The following ANK3 variants were observed in gnomAD, a reference collection of about 807,000 sequenced individuals.
ANK3 encodes ankyrin-3.
Under a neutral mutation model 370.9 loss-of-function variants are expected in ANK3, and 57 were observed. That is an observed-to-expected ratio of 0.15 (90% CI 0.12 to 0.19). ANK3 has a LOEUF of 0.19. ANK3 is among the 10% of genes least tolerant of loss of function. The pLI, the probability that ANK3 is intolerant of heterozygous loss-of-function variation, is 1.00. For synonymous variants in ANK3, 1,929 were observed against 1,946.3 expected (o/e 0.99, Z 0.23); for missense variants, 4,439 against 5,302.1 (o/e 0.84, Z 5.06).
intron 10 of ANK3, 54 bp downstream of exon 10, chr10:60,207,982 C>T: frequency 2.7e-6 from 4 of 1,466,578 alleles, no homozygotes; most frequent in Non-Finnish European, 2.9e-6. Flanking sequence ...CATACAGAGG[C>T]AGCACGTTGT....
In ANK3 at chr10:60,568,404, C is replaced by T. The variant is rs144715062; in HGVS notation, c.96+46782G>A. ...ATTGCCTTTTTAGACATAAAAAACA[C>T]GTACTTAATAGATATACTTAACAGA... On this transcript the variant is annotated intron_variant, in intron 2 of 43. Transcript: ENST00000373827. Among the ~76,000 whole-genome samples the T allele has an allele frequency of 5.8e-4, 89 of 152,282 alleles. 1 individual carries two copies. Among genetic ancestry groups the T allele is most frequent in the African/African-American group, 1.7e-3 (72 of 41,556 alleles).
chr10:60,182,278 T>G (rs2096215209), intron 17 of ANK3, among the ~76,000 whole-genome samples: 1 of 152,158 alleles, frequency 6.6e-6, no homozygotes, highest in Non-Finnish European at 1.5e-5. Context: ...GCCTGTGAAA[T>G]GTAATGTGAA....
intron 1 of ANK3, among the ~76,000 whole-genome samples, chr10:60,367,829 G>A (rs2059593826): frequency 6.6e-6 from 1 of 152,180 alleles, no homozygotes; most frequent in Non-Finnish European, 1.5e-5. Flanking sequence ...AAGCACTGAT[G>A]AGGATAACCA....
chr10:60,131,944 T>C (rs2094094977), intron 25 of ANK3, among the ~76,000 whole-genome samples: 1 of 152,202 alleles, frequency 6.6e-6, no homozygotes, highest in African/African-American at 2.4e-5. Flanking sequence ...ATTAGCAAAG[T>C]GTCATTGATA....
At chr10:60,403,196 A>ACAAT (rs1281456626) in intron 2 of ANK3, among the ~76,000 whole-genome samples, 2 of 152,220 alleles carry the variant, frequency 1.3e-5, no homozygotes, top group African/African-American at 2.4e-5. Context: ...TACTACAAAA[A>ACAAT]CAATCATTAC....
At chr10:60,592,155 T>C (rs1420470476) in intron 2 of ANK3, among the ~76,000 whole-genome samples, 5 of 152,154 alleles carry the variant, frequency 3.3e-5, no homozygotes, top group African/African-American at 9.7e-5. Flanking sequence ...TTATTTCACA[T>C]TGAATGCCTG....
intron 2 of ANK3, among the ~76,000 whole-genome samples, chr10:60,612,090 A>G (rs1485384443): frequency 1.3e-5 from 2 of 152,166 alleles, no homozygotes; most frequent in African/African-American, 4.8e-5. Flanking sequence ...AGGATATTCA[A>G]TAACAGAGAT....
At chr10:60,039,063 C>A (rs960951315) in intron 43 of ANK3, among the ~76,000 whole-genome samples, 5 of 152,192 alleles carry the variant, frequency 3.3e-5, no homozygotes, top group Non-Finnish European at 7.4e-5. Flanking sequence ...TGTCCCATTT[C>A]TTTTTCCCAT....
At chr10:60,218,793 G>C (rs755338271) in intron 8 of ANK3, among the ~76,000 whole-genome samples, 2 of 151,910 alleles carry the variant, frequency 1.3e-5, no homozygotes, top group Admixed American at 6.6e-5. Context: ...TATCTTAATG[G>C]TGTTCTCTGT....
intron 2 of ANK3, among the ~76,000 whole-genome samples, chr10:60,408,406 C>T (rs77724781): frequency 0.022 from 3,284 of 152,144 alleles, 112 homozygotes; most frequent in African/African-American, 0.072. Context: ...TGTTTAAAAG[C>T]GTATGGCACC....
At chr10:60,386,681 A>G (rs2062384574) in intron 1 of ANK3, among the ~76,000 whole-genome samples, 1 of 152,198 alleles carries the variant, frequency 6.6e-6, no homozygotes, top group South Asian at 2.1e-4. Flanking sequence ...TTTCATGATA[A>G]CACATAGTGA....
chr10:60,373,805 C>T (rs1476074914), intron 1 of ANK3, among the ~76,000 whole-genome samples: 1 of 152,132 alleles, frequency 6.6e-6, no homozygotes, highest in Admixed American at 6.5e-5. Context: ...CTTGTTCTAG[C>T]ACTGAAAGTG....
At chr10:60,706,913 A>G (rs1470900772) in intron 1 of ANK3, among the ~76,000 whole-genome samples, 1 of 152,180 alleles carries the variant, frequency 6.6e-6, no homozygotes, top group East Asian at 1.9e-4. Context: ...TCCCTGGCAT[A>G]CTTTGAACAT....
At chr10:60,472,442 G>A (rs2065241591) in intron 2 of ANK3, among the ~76,000 whole-genome samples, 1 of 152,050 alleles carries the variant, frequency 6.6e-6, no homozygotes, top group Non-Finnish European at 1.5e-5. Context: ...AGAATTCAGG[G>A]GCATCTTAAT....
intron 1 of ANK3, among the ~76,000 whole-genome samples, chr10:60,306,140 T>C (rs1448166355): frequency 6.6e-6 from 1 of 152,090 alleles, no homozygotes; most frequent in East Asian, 1.9e-4. Context: ...TTCTGAGATT[T>C]TGGTGCACCC....
At chr10:60,682,102 A>G (rs1373149608) in intron 1 of ANK3, among the ~76,000 whole-genome samples, 1 of 152,212 alleles carries the variant, frequency 6.6e-6, no homozygotes, top group East Asian at 1.9e-4. Context: ...AACTATGATC[A>G]TGCCTCTGCA....
rs140722457 is a variant in ANK3, at chr10:60,449,384, A to T, written c.96+165802T>A. Among the ~76,000 whole-genome samples, 571 of 152,316 alleles carry T rather than the reference A, an allele frequency of 3.7e-3. 1 individual carries two copies. The highest frequency in any genetic ancestry group is 0.013 in the African/African-American group (551 of 41,566). On this transcript the variant is annotated intron_variant, in intron 2 of 43. Coordinates refer to the ANK3 transcript ENST00000373827. Reference sequence around the variant, plus strand: ...TCTGGTATGTGTTTTGCACTTCTCAATTCAGGCTAGCCTGAATTGAAACAC... The same window carrying T: ...TCTGGTATGTGTTTTGCACTTCTCATTTCAGGCTAGCCTGAATTGAAACAC...
chr10:60,509,175 T>C (rs1337683062), intron 2 of ANK3, among the ~76,000 whole-genome samples: 1 of 152,068 alleles, frequency 6.6e-6, no homozygotes, highest in Non-Finnish European at 1.5e-5. Context: ...AAAGTATATT[T>C]TAAGACAAAC....
chr10:60,622,871 A>T (rs2078356795), intron 1 of ANK3, among the ~76,000 whole-genome samples: 1 of 152,162 alleles, frequency 6.6e-6, no homozygotes. Flanking sequence ...AAAATCCCTG[A>T]TCTATATGTA....
Sources: gnomAD v4.1 joint callset for allele counts (sites outside exome capture counted in the v4.1 genomes callset) on GRCh38, gnomAD v4.1.1 for gene constraint, MANE v1.5 for transcripts, NCBI Gene and HGNC (gene_info 2026-07-23, HGNC 2026-07-21) for gene names.